Variants in MGMT observed in about 807,000 individuals in gnomAD.
The protein encoded by MGMT is methylated-DNA--protein-cysteine methyltransferase.
MGMT carries 14 observed loss-of-function variants against 15.9 expected under a neutral mutation model. The ratio of observed to expected loss-of-function variants is 0.88; its 90% CI spans 0.58 to 1.37. The LOEUF (loss-of-function observed/expected upper bound fraction) is 1.37, where lower values mean the gene tolerates loss of function less well. Ranked by LOEUF, MGMT falls within the 40% of genes most tolerant of loss-of-function variation. The probability of loss-of-function intolerance (pLI) is 0.00; values close to 1 mark genes in which losing one functional copy is unlikely to be tolerated. For synonymous variants in MGMT, 130 were observed against 118.2 expected (o/e 1.10, Z -0.65); for missense variants, 282 against 268.1 (o/e 1.05, Z -0.36).
intron 2 of MGMT, among the ~76,000 whole-genome samples, chr10:129,627,234 T>C (rs995531115): frequency 9.9e-5 from 15 of 152,278 alleles, no homozygotes; most frequent in African/African-American, 3.6e-4. Flanking sequence ...CAGTTACTGT[T>C]TTTCTCACGT....
intron 2 of MGMT, among the ~76,000 whole-genome samples, chr10:129,679,707 G>A (rs575479115): frequency 1.2e-4 from 18 of 152,198 alleles, no homozygotes; most frequent in Non-Finnish European, 2.1e-4. Context: ...TTTTTATTCA[G>A]CATTGGTGCA....
intron 3 of MGMT, among the ~76,000 whole-genome samples, chr10:129,746,397 C>T (rs1049404963): frequency 6.6e-6 from 1 of 151,282 alleles, no homozygotes; most frequent in Non-Finnish European, 1.5e-5. Flanking sequence ...TTTGCCTAAC[C>T]CCAGGTCATG....
chr10:129,646,754 A>ATATATTTTTTTTTTTTTTTTTTTTTT, intron 2 of MGMT, among the ~76,000 whole-genome samples: 1 of 86,668 alleles, frequency 1.2e-5, no homozygotes, highest in Non-Finnish European at 2.6e-5. Context: ...ATATATATAT[A>ATATATTTTTTTTTTTTTTTTTTTTTT]TTTTCAGGGA....
At chr10:129,550,973 G>A (rs1846150296) in intron 2 of MGMT, among the ~76,000 whole-genome samples, 1 of 152,128 alleles carries the variant, frequency 6.6e-6, no homozygotes, top group Admixed American at 6.5e-5. Flanking sequence ...GAGGGCAGGT[G>A]GGCCTCTGGG....
chr10:129,515,324 A>C (rs982522314), intron 1 of MGMT, among the ~76,000 whole-genome samples: 2 of 152,200 alleles, frequency 1.3e-5, no homozygotes, highest in Non-Finnish European at 2.9e-5. Context: ...GGTGGTGAGC[A>C]CAGGGCGGAG....
At chr10:129,500,160 T>G (rs1294542237) in intron 1 of MGMT, among the ~76,000 whole-genome samples, 1 of 152,244 alleles carries the variant, frequency 6.6e-6, no homozygotes, top group Non-Finnish European at 1.5e-5. Context: ...ATTGGATTTT[T>G]AAAACTTCAA....
chr10:129,634,431 TC>T (rs1167927284), intron 2 of MGMT, among the ~76,000 whole-genome samples: 1 of 152,204 alleles, frequency 6.6e-6, no homozygotes, highest in Non-Finnish European at 1.5e-5. Context: ...TATATTTTTT[TC>T]CTTTTCCTTT....
chr10:129,608,480 C>T (rs1007275769), intron 2 of MGMT, among the ~76,000 whole-genome samples: 1 of 152,214 alleles, frequency 6.6e-6, no homozygotes, highest in Admixed American at 6.5e-5. Context: ...AGCAAACAAC[C>T]TTGTTTTGAG....
chr10:129,708,035 T>C lies in MGMT; in HGVS notation c.266T>C (p.Phe89Ser). Residue 89 changes from phenylalanine to serine, a missense_variant, in exon 3 of 5, where the codon TTC becomes TCC. By Grantham distance (155) the Phe-to-Ser change is radical. Coordinates refer to ENST00000651593, the MANE Select transcript of MGMT (RefSeq NM_002412.5). ...GTGCCGGCTCTTCACCATCCCGTTT[T>C]CCAGCAAGGTCGGTAACTAAGCCAT... Reference protein sequence around the residue: ...FPVPALHHPVFQQESFTRQVL... With the variant: ...FPVPALHHPVSQQESFTRQVL... The C allele has an allele frequency of 6.2e-7, 1 of 1,612,102 alleles. No homozygotes were observed. The highest frequency in any genetic ancestry group is 1.7e-5 in the Admixed American group (1 of 59,562).
intron 3 of MGMT, among the ~76,000 whole-genome samples, chr10:129,735,171 G>C (rs1848545837): frequency 6.6e-6 from 1 of 152,144 alleles, no homozygotes; most frequent in African/African-American, 2.4e-5. Flanking sequence ...GTAGAATTCG[G>C]CTGTGAATCC....
At chr10:129,677,035 T>G (rs1005319418) in intron 2 of MGMT, among the ~76,000 whole-genome samples, 3 of 152,288 alleles carry the variant, frequency 2.0e-5, no homozygotes, top group East Asian at 1.9e-4. Flanking sequence ...AGCGTGCTAG[T>G]AGTAACCATC....
intron 2 of MGMT, among the ~76,000 whole-genome samples, chr10:129,674,650 G>A (rs1188054835): frequency 6.6e-6 from 1 of 152,260 alleles, no homozygotes; most frequent in African/African-American, 2.4e-5. Context: ...ACATTTCTAG[G>A]AAGCATGGGA....
At chr10:129,732,765 T>C (rs1429764130) in intron 3 of MGMT, among the ~76,000 whole-genome samples, 2 of 146,046 alleles carry the variant, frequency 1.4e-5, no homozygotes, top group African/African-American at 5.0e-5. Context: ...TGTCCATGTG[T>C]TCTCATTGTT....
intron 2 of MGMT, among the ~76,000 whole-genome samples, chr10:129,690,355 C>T (rs1847955509): frequency 6.6e-6 from 1 of 152,180 alleles, no homozygotes. Flanking sequence ...CGTTTGCCCC[C>T]ACCTTCCTTC....
At position 129,482,423 on chromosome 10, in the gene MGMT, G is replaced by T. The variant is rs1845368277; in HGVS notation, c.-13+15127G>T. On this transcript the variant is annotated intron_variant, in intron 1 of 4. Transcript: ENST00000651593. The stretch of plus-strand genomic sequence containing the variant: ...TGCTCTTTAAATGTAGTTGGGTAAG[G>T]TTTGTTGATAATGCTCTTCAAGCCT... Among the ~76,000 whole-genome samples, 3 of 152,178 alleles carry T rather than the reference G, an allele frequency of 2.0e-5. No individual in the cohort carries two copies. In the South Asian group the frequency reaches 6.2e-4, roughly 32 times the overall value.
At chr10:129,527,391 G>A (rs1250484124) in intron 1 of MGMT, among the ~76,000 whole-genome samples, 1 of 152,210 alleles carries the variant, frequency 6.6e-6, no homozygotes, top group African/African-American at 2.4e-5. Flanking sequence ...AGGCTGGCGT[G>A]TTTGAGTTAG....
intron 3 of MGMT, among the ~76,000 whole-genome samples, chr10:129,719,587 C>T (rs1379713219): frequency 2.6e-5 from 4 of 152,154 alleles, no homozygotes; most frequent in African/African-American, 9.7e-5. Flanking sequence ...CCTCACTAGG[C>T]CTTTCCTCTG....
At chr10:129,717,598 T>G (rs770507247) in intron 3 of MGMT, 2 of 152,202 alleles carry the variant, frequency 1.3e-5, no homozygotes, top group Non-Finnish European at 2.9e-5. Context: ...TTTTTTTTTC[T>G]GTCTTCTTTT....
intron 1 of MGMT, among the ~76,000 whole-genome samples, chr10:129,478,295 A>T (rs1218484151): frequency 6.6e-6 from 1 of 152,222 alleles, no homozygotes; most frequent in African/African-American, 2.4e-5. Context: ...TTCAAAGGAC[A>T]GCATGTGGTC....
Sources: allele counts gnomAD v4.1 joint callset (sites outside exome capture counted in the v4.1 genomes callset), GRCh38; gene constraint gnomAD v4.1.1; transcripts MANE v1.5; gene names NCBI Gene and HGNC (gene_info 2026-07-23, HGNC 2026-07-21).